Variants in CDH13 observed in about 807,000 individuals in gnomAD.
CDH13 encodes the protein cadherin 13, also known as cadherin-13.
In CDH13, 24 loss-of-function variants were observed where a neutral mutation model predicts 63.8. The observed-to-expected ratio is 0.38, with a 90% CI of 0.27 to 0.53. CDH13 has a LOEUF of 0.53. CDH13 is among the 20% of genes least tolerant of loss of function. CDH13 has a pLI of 0.85. For synonymous variants in CDH13, 503 were observed against 355.3 expected (o/e 1.42, Z -4.67); for missense variants, 1,049 against 903.1 (o/e 1.16, Z -2.07).
intron 10 of CDH13, among the ~76,000 whole-genome samples, chr16:83,731,918 G>A (rs1040023826): frequency 4.6e-5 from 7 of 152,210 alleles, no homozygotes; most frequent in Admixed American, 6.5e-5. Flanking sequence ...GCAGGTAGTC[G>A]ATAAATGCCA....
intron 7 of CDH13, among the ~76,000 whole-genome samples, chr16:83,583,313 G>A (rs980180790): frequency 1.3e-5 from 2 of 152,156 alleles, no homozygotes; most frequent in Admixed American, 1.3e-4. Context: ...GGTACTGGGG[G>A]TTAGGAGTTG....
intron 5 of CDH13, among the ~76,000 whole-genome samples, chr16:83,330,173 G>A (rs547537735): frequency 6.1e-4 from 93 of 152,202 alleles, no homozygotes; most frequent in Non-Finnish European, 1.2e-3. Flanking sequence ...ATAAAATTAT[G>A]TATAACTAAA....
intron 3 of CDH13, among the ~76,000 whole-genome samples, chr16:83,090,731 A>G (rs915001978): frequency 1.3e-5 from 2 of 152,136 alleles, no homozygotes; most frequent in Admixed American, 6.5e-5. Flanking sequence ...TGGTGATTAA[A>G]CTTTAAAACA....
At chr16:82,658,134 G>T (rs1481153826) in intron 1 of CDH13, among the ~76,000 whole-genome samples, 10 of 152,254 alleles carry the variant, frequency 6.6e-5, no homozygotes, top group East Asian at 5.8e-4. Context: ...ATTTTGCCAA[G>T]TGCTTTTTCT....
intron 11 of CDH13, among the ~76,000 whole-genome samples, chr16:83,775,511 C>T (rs773283733): frequency 3.9e-5 from 6 of 152,114 alleles, no homozygotes; most frequent in Non-Finnish European, 5.9e-5. Context: ...CTTAAAATGG[C>T]TACCATGAGA....
At chr16:83,265,740 T>G (rs1236807907) in intron 5 of CDH13, among the ~76,000 whole-genome samples, 1 of 124,404 alleles carries the variant, frequency 8.0e-6, no homozygotes, top group African/African-American at 2.8e-5. Flanking sequence ...TTTTTTTTTT[T>G]TTTTTTTTTT....
chr16:82,912,712 G>A (rs1597199594), intron 2 of CDH13, among the ~76,000 whole-genome samples: 2 of 152,302 alleles, frequency 1.3e-5, no homozygotes, highest in East Asian at 3.9e-4. Flanking sequence ...GGGAGGCCGA[G>A]GTGGGCGGAT....
At chr16:82,716,864 A>T (rs977479646) in intron 1 of CDH13, among the ~76,000 whole-genome samples, 2 of 151,864 alleles carry the variant, frequency 1.3e-5, no homozygotes, top group African/African-American at 2.4e-5. Context: ...CTCAAGCAGA[A>T]GCCTTACACG....
intron 6 of CDH13, among the ~76,000 whole-genome samples, chr16:83,442,517 G>T (rs1254874716): frequency 6.6e-6 from 1 of 151,494 alleles, no homozygotes; most frequent in African/African-American, 2.4e-5. Context: ...GGATGAGAGA[G>T]ATCCAGCTTT....
At chr16:83,587,014 A>G (rs948641886) in intron 7 of CDH13, among the ~76,000 whole-genome samples, 4 of 152,114 alleles carry the variant, frequency 2.6e-5, no homozygotes, top group Admixed American at 6.6e-5. Context: ...TCATTTGCTG[A>G]TTTATTACTC....
intron 3 of CDH13, among the ~76,000 whole-genome samples, chr16:83,058,696 A>G (rs2031209674): frequency 6.6e-6 from 1 of 152,216 alleles, no homozygotes. Context: ...TATTTAGGAA[A>G]GAAAACAGAA....
chr16:83,134,990 G>A (rs1460005536), intron 4 of CDH13, among the ~76,000 whole-genome samples: 1 of 152,194 alleles, frequency 6.6e-6, no homozygotes, highest in Non-Finnish European at 1.5e-5. Flanking sequence ...GCCTCAGACT[G>A]AATTTATATT....
intron 2 of CDH13, among the ~76,000 whole-genome samples, chr16:82,879,006 A>G (rs1223562786): frequency 6.6e-6 from 1 of 152,078 alleles, no homozygotes; most frequent in Non-Finnish European, 1.5e-5. Context: ...CCCCATGACC[A>G]TGACACCAAC....
chr16:82,792,873 A>G (rs1199236326), intron 1 of CDH13, among the ~76,000 whole-genome samples: 1 of 152,228 alleles, frequency 6.6e-6, no homozygotes, highest in African/African-American at 2.4e-5. Flanking sequence ...ATTGATTTGT[A>G]AGAAAGTCCA....
intron 5 of CDH13, among the ~76,000 whole-genome samples, chr16:83,331,283 G>A (rs1196705341): frequency 6.6e-6 from 1 of 152,210 alleles, no homozygotes; most frequent in East Asian, 1.9e-4. Context: ...CAAAAATAAA[G>A]CTGAGGAGAC....
intron 4 of CDH13, among the ~76,000 whole-genome samples, chr16:83,158,738 C>T (rs554516199): frequency 1.1e-4 from 17 of 152,312 alleles, no homozygotes; most frequent in Non-Finnish European, 2.4e-4. Flanking sequence ...CCAGCTGGGT[C>T]GCACCCTTGC....
intron 1 of CDH13, among the ~76,000 whole-genome samples, chr16:82,744,960 C>T (rs1186975491): frequency 6.6e-6 from 1 of 152,178 alleles, no homozygotes; most frequent in African/African-American, 2.4e-5. Context: ...CCATATGTCT[C>T]ATAGGTAGCA....
At chr16:83,070,115 G>T (rs1295839288) in intron 3 of CDH13, among the ~76,000 whole-genome samples, 1 of 151,980 alleles carries the variant, frequency 6.6e-6, no homozygotes, top group East Asian at 1.9e-4. Flanking sequence ...AAATCCTCTT[G>T]CTTCTTGGCA....
chr16:83,138,297 C>T (rs188311803), intron 4 of CDH13, among the ~76,000 whole-genome samples: 1 of 152,040 alleles, frequency 6.6e-6, no homozygotes, highest in South Asian at 2.1e-4. Context: ...ATGGATTCCC[C>T]CGAGAAGAAT....
Sources: allele counts gnomAD v4.1 joint callset (sites outside exome capture counted in the v4.1 genomes callset), GRCh38; gene constraint gnomAD v4.1.1; transcripts MANE v1.5; gene names NCBI Gene and HGNC (gene_info 2026-07-23, HGNC 2026-07-21).